The following RAP1GAP2 variants were observed in gnomAD, a reference collection of about 807,000 sequenced individuals.
The protein encoded by RAP1GAP2 is RAP1 GTPase activating protein 2.
A neutral mutation model predicts 95.0 loss-of-function variants in RAP1GAP2; 27 were observed. That is an observed-to-expected ratio of 0.28 (90% CI 0.21 to 0.39). The LOEUF (loss-of-function observed/expected upper bound fraction) is 0.39, where lower values mean the gene tolerates loss of function less well. RAP1GAP2 is among the 10% of genes least tolerant of loss of function. The pLI is 1.00. For missense variants in RAP1GAP2, 771 were observed against 970.0 expected, an observed-to-expected ratio of 0.79 and a Z score of 2.72; for synonymous variants, 373 against 380.9, an observed-to-expected ratio of 0.98 and a Z score of 0.24.
intron 19 of RAP1GAP2, among the ~76,000 whole-genome samples, chr17:3,025,470 G>A (rs1473757113): frequency 6.6e-6 from 1 of 152,232 alleles, no homozygotes; most frequent in Non-Finnish European, 1.5e-5. Context: ...TACACTAAAG[G>A]AGAAGGATAT....
intron 3 of RAP1GAP2, among the ~76,000 whole-genome samples, chr17:2,940,827 T>C (rs1051136498): frequency 1.3e-5 from 2 of 152,208 alleles, no homozygotes; most frequent in African/African-American, 4.8e-5. Flanking sequence ...TTCTTGCCTT[T>C]CTTCTCCCTC....
At chr17:2,896,684 G>A (rs1007341518) in intron 2 of RAP1GAP2, among the ~76,000 whole-genome samples, 2 of 152,208 alleles carry the variant, frequency 1.3e-5, no homozygotes, top group Non-Finnish European at 2.9e-5. Flanking sequence ...GGCTGTGGAG[G>A]GGCTGCAGAG....
rs569394825 is a variant in RAP1GAP2 at position 2,840,178 on chromosome 17, A to G, written c.80+39628A>G. Among the ~76,000 whole-genome samples, 3 of 150,610 alleles carry G rather than the reference A, an allele frequency of 2.0e-5. No homozygotes were observed. In the South Asian group the frequency reaches 6.3e-4, roughly 32 times the overall value. ...TTTAAATTTTTATTGATTGATTGAG[A>G]TGGAGTCTCACTCCATCTCACTCCA... is the stretch of plus-strand genomic sequence containing the variant. On this transcript the variant is annotated intron_variant, in intron 2 of 24. Transcript: ENST00000254695.
intron 2 of RAP1GAP2, among the ~76,000 whole-genome samples, chr17:2,853,184 A>G (rs1202071875): frequency 6.6e-6 from 1 of 151,922 alleles, no homozygotes; most frequent in Admixed American, 6.5e-5. Context: ...AGGCGGGGGC[A>G]GAATTCCGCC....
At position 3,003,001 on chromosome 17, in the gene RAP1GAP2, G is replaced by A. The variant is rs746185551; in HGVS notation, c.1201-2368G>A. Among the ~76,000 whole-genome samples, 1 of 151,714 alleles carries A rather than the reference G, an allele frequency of 6.6e-6. No individual in the cohort carries two copies. The highest frequency in any genetic ancestry group is 1.5e-5 in the Non-Finnish European group (1 of 67,844). ...AGGGGAAGTGAAAAGGCCACTGGGC[G>A]ACAGTGGTTACCCCTTACCAGCTGC... is the stretch of plus-strand genomic sequence containing the variant. On this transcript the variant is annotated intron_variant, in intron 14 of 24. Coordinates refer to ENST00000254695, the MANE Select transcript of RAP1GAP2 (RefSeq NM_015085.5). The surrounding 1 kb of genome is among the most constrained non-coding windows in gnomAD (Gnocchi z 4.1).
At chr17:3,009,919 A>T (rs1025169218) in intron 17 of RAP1GAP2, among the ~76,000 whole-genome samples, 1 of 152,128 alleles carries the variant, frequency 6.6e-6, no homozygotes, top group African/African-American at 2.4e-5. Context: ...GGTCTGGGGA[A>T]GGCAGGAAGG....
At chr17:2,881,462 C>A (rs186680345) in intron 2 of RAP1GAP2, among the ~76,000 whole-genome samples, 1 of 152,138 alleles carries the variant, frequency 6.6e-6, no homozygotes, top group Non-Finnish European at 1.5e-5. Context: ...CATTGTAGCA[C>A]GAATCCGTAA....
rs916863933 is a variant in RAP1GAP2 at position 3,008,350 on chromosome 17, A to C, written c.1494+205A>C. 3.9e-5 allele frequency among the ~76,000 whole-genome samples: 6 copies of C among 152,204 alleles called. No individual in the cohort carries two copies. Among genetic ancestry groups the C allele is most frequent in the African/African-American group, 1.4e-4 (6 of 41,448 alleles). On this transcript the variant is annotated intron_variant, in intron 17 of 24. Transcript: ENST00000254695. This position sits in a 1 kb window ranked among gnomAD's most constrained non-coding sequence, Gnocchi z 4.2. ...TGGAGCAGCCAGCAGTTTTCTCAGCAGCCTCCCCATCCTTCCTCTATCTGG... is the reference window on the plus strand; with the variant it reads ...TGGAGCAGCCAGCAGTTTTCTCAGCCGCCTCCCCATCCTTCCTCTATCTGG...
intron 1 of RAP1GAP2, among the ~76,000 whole-genome samples, chr17:2,757,412 G>A (rs7224320): frequency 0.14 from 20,725 of 152,182 alleles, 1,654 homozygotes; most frequent in East Asian, 0.29. Context: ...ATGAGCCACC[G>A]TGCCCCTGGC....
At chr17:3,018,534 C>T (rs919717541) in intron 18 of RAP1GAP2, among the ~76,000 whole-genome samples, 3 of 152,092 alleles carry the variant, frequency 2.0e-5, no homozygotes, top group Admixed American at 6.5e-5. Flanking sequence ...CTCAGGGGCT[C>T]GGGACCCATG....
intron 3 of RAP1GAP2, among the ~76,000 whole-genome samples, chr17:2,909,319 T>G (rs1286019110): frequency 6.6e-6 from 1 of 151,970 alleles, no homozygotes; most frequent in African/African-American, 2.4e-5. Flanking sequence ...GCCACTGGGC[T>G]CCGCGGCCTG....
intron 3 of RAP1GAP2, among the ~76,000 whole-genome samples, chr17:2,925,252 C>T (rs1199286383): frequency 4.6e-5 from 7 of 152,154 alleles, no homozygotes; most frequent in Admixed American, 4.6e-4. Context: ...CAAGATGAGC[C>T]ATTCGCACAC....
At chr17:2,755,882 G>A (rs2071130287) in intron 1 of RAP1GAP2, 1 of 298,778 alleles carries the variant, frequency 3.3e-6, no homozygotes, top group Middle Eastern at 9.9e-4. Flanking sequence ...GAGGCTGCGG[G>A]GCCCGGGTGG....
Position 2,965,384 on chromosome 17 carries a change from C to T in RAP1GAP2, c.493-156C>T, listed in dbSNP as rs143930202. 907 of 635,334 alleles carry T rather than the reference C, an allele frequency of 1.4e-3. 6 individuals are homozygous for T. Among genetic ancestry groups the T allele is most frequent in the African/African-American group, 0.013 (728 of 54,686 alleles). The allele number at this position is 635,334 out of a possible 1,614,324, so 39.4% of individuals were successfully genotyped here. On this transcript the variant is annotated intron_variant, in intron 7 of 24. Transcript: ENST00000254695. The surrounding 1 kb of genome is among the most constrained non-coding windows in gnomAD (Gnocchi z 4.7). ...TGCCTGGCGCCTCCTGAGGATCCGG[C>T]CGTCGGTACCTGTTAATGTCGTTGT...
Position 2,866,180 on chromosome 17 carries a change from G to C in RAP1GAP2, c.81-39104G>C, listed in dbSNP as rs2072604151. 6.6e-6 allele frequency among the ~76,000 whole-genome samples: 1 copy of C among 152,200 alleles called. No individual in the cohort carries two copies. Among genetic ancestry groups the C allele is most frequent in the African/African-American group, 2.4e-5 (1 of 41,438 alleles). ...GATGTCTGAAGGGAGAGATGGAGTG[G>C]GAAGCACATCCCCAAAGGAGACAGT... On this transcript the variant is annotated intron_variant, in intron 2 of 24. Coordinates refer to ENST00000254695, the MANE Select transcript of RAP1GAP2 (RefSeq NM_015085.5). The surrounding 1 kb of genome is among the most constrained non-coding windows in gnomAD (Gnocchi z 4.0).
At chr17:2,841,455 C>T (rs2071370154) in intron 2 of RAP1GAP2, among the ~76,000 whole-genome samples, 1 of 151,766 alleles carries the variant, frequency 6.6e-6, no homozygotes, top group Non-Finnish European at 1.5e-5. Context: ...AGGCGCCCGC[C>T]ACCACACGCG....
intron 2 of RAP1GAP2, among the ~76,000 whole-genome samples, chr17:2,838,160 A>T (rs1165569015): frequency 6.6e-6 from 1 of 151,368 alleles, no homozygotes; most frequent in African/African-American, 2.4e-5. Flanking sequence ...CTGCGATTAC[A>T]GGCGCCCACC....
At chr17:2,835,027 C>A (rs1037197731) in intron 2 of RAP1GAP2, among the ~76,000 whole-genome samples, 3 of 151,696 alleles carry the variant, frequency 2.0e-5, no homozygotes, top group African/African-American at 7.3e-5. Context: ...TCATGCCATT[C>A]TCCTGCCTCA....
At chr17:2,920,663 G>T (rs541700360) in intron 3 of RAP1GAP2, among the ~76,000 whole-genome samples, 3 of 152,376 alleles carry the variant, frequency 2.0e-5, no homozygotes, top group African/African-American at 4.8e-5. Context: ...GCAGGCGGAC[G>T]AGGGCTTCGT....
Sources: allele counts gnomAD v4.1 joint callset (sites outside exome capture counted in the v4.1 genomes callset), GRCh38; gene constraint gnomAD v4.1.1; non-coding constraint Gnocchi (gnomAD v3.1); transcripts MANE v1.5; gene names NCBI Gene and HGNC (gene_info 2026-07-23, HGNC 2026-07-21).